Variants in BABAM2 observed in about 807,000 individuals in gnomAD.
BABAM2 encodes the protein BRISC and BRCA1-A complex member 2.
Under a neutral mutation model 54.7 loss-of-function variants are expected in BABAM2, and 31 were observed. The observed-to-expected ratio is 0.57, with a 90% CI of 0.43 to 0.77. BABAM2 has a LOEUF of 0.77. Ranked by LOEUF, BABAM2 falls within the 30% of genes least tolerant of loss-of-function variation. The pLI is 0.00. For synonymous variants in BABAM2, 167 were observed against 162.9 expected (o/e 1.03, Z -0.19); for missense variants, 364 against 455.8 (o/e 0.80, Z 1.83).
At chr2:28,041,765 C>G (rs1324676702) in intron 5 of BABAM2, among the ~76,000 whole-genome samples, 1 of 152,162 alleles carries the variant, frequency 6.6e-6, no homozygotes, top group African/African-American at 2.4e-5. Context: ...TCAAATTACT[C>G]TGTAAAGGAG....
chr2:28,049,139 G>A (rs1333353171), intron 6 of BABAM2, among the ~76,000 whole-genome samples: 2 of 152,178 alleles, frequency 1.3e-5, no homozygotes, highest in Non-Finnish European at 2.9e-5. Context: ...TAAATATGAT[G>A]TGTGTTTGAA....
At position 27,920,247 on chromosome 2, in the gene BABAM2, G is replaced by A. The variant is rs1024015742; in HGVS notation, c.129-9585G>A. On this transcript the variant is annotated intron_variant, in intron 2 of 11. Coordinates refer to ENST00000379624, the MANE Select transcript of BABAM2 (RefSeq NM_199191.3). ...TCTAAGACTTGACCTTGTGGATTTG[G>A]TCTGGCCAGTCAGATGGGGTATAAT... Among the ~76,000 whole-genome samples, 4 of 152,074 alleles carry A rather than the reference G, an allele frequency of 2.6e-5. No individual in the cohort carries two copies. The East Asian group carries it at 7.7e-4, about 29-fold the overall frequency.
chr2:28,265,966 A>G (rs1352947856), intron 10 of BABAM2, among the ~76,000 whole-genome samples: 2 of 151,902 alleles, frequency 1.3e-5, no homozygotes, highest in East Asian at 3.9e-4. Flanking sequence ...TAAAATAAAT[A>G]TAAGTACATA....
chr2:28,203,730 C>CT (rs1301529777), intron 7 of BABAM2, among the ~76,000 whole-genome samples: 1 of 152,144 alleles, frequency 6.6e-6, no homozygotes. Context: ...CTTTTAAGAG[C>CT]TTTCCTTTTA....
chr2:27,937,274 A>G (rs1668554565), intron 3 of BABAM2, among the ~76,000 whole-genome samples: 1 of 152,196 alleles, frequency 6.6e-6, no homozygotes, highest in Non-Finnish European at 1.5e-5. Context: ...GTAAATGTTC[A>G]GTTCAGATGC....
At chr2:28,041,944 A>G (rs576134161) in intron 5 of BABAM2, among the ~76,000 whole-genome samples, 1 of 152,184 alleles carries the variant, frequency 6.6e-6, no homozygotes, top group African/African-American at 2.4e-5. Flanking sequence ...GGTGGTTCAG[A>G]TCAGGTGGTT....
intron 7 of BABAM2, among the ~76,000 whole-genome samples, chr2:28,236,945 T>G (rs1681970623): frequency 6.6e-6 from 1 of 152,206 alleles, no homozygotes; most frequent in Non-Finnish European, 1.5e-5. Context: ...TGGTAAGACA[T>G]TTACCCATGC....
chr2:28,131,378 G>GT (rs1221334787), intron 7 of BABAM2, among the ~76,000 whole-genome samples: 7 of 15,878 alleles, frequency 4.4e-4, no homozygotes, highest in African/African-American at 2.4e-4. Context: ...ACCGCGCCCG[G>GT]CCTATTATTT....
chr2:28,205,419 C>T (rs1302817775), intron 7 of BABAM2, among the ~76,000 whole-genome samples: 1 of 143,448 alleles, frequency 7.0e-6, no homozygotes, highest in East Asian at 1.9e-4. Context: ...AGAAGGATCA[C>T]TTGAACCCGA....
At chr2:28,267,006 A>C (rs1295175673) in intron 10 of BABAM2, among the ~76,000 whole-genome samples, 2 of 152,214 alleles carry the variant, frequency 1.3e-5, no homozygotes, top group Admixed American at 6.5e-5. Flanking sequence ...AAATACAAAA[A>C]TTAGCTGGGT....
At position 28,111,890 on chromosome 2, in the gene BABAM2, C is replaced by G. The variant is rs182035644; in HGVS notation, c.571-17381C>G. Reference sequence around the variant, plus strand: ...TTCATGCTACACCCTCATTTGGGTGCTGATACTGGTCCTCCTGTCTCTACA... The same window carrying G: ...TTCATGCTACACCCTCATTTGGGTGGTGATACTGGTCCTCCTGTCTCTACA... On this transcript the variant is annotated intron_variant, in intron 6 of 11. Transcript: ENST00000379624. Among the ~76,000 whole-genome samples the G allele has an allele frequency of 1.4e-3, 211 of 151,636 alleles. 3 individuals are homozygous for G. Among genetic ancestry groups the G allele is most frequent in the Non-Finnish European group, 4.6e-4 (31 of 67,844 alleles).
chr2:28,009,460 G>A (rs1674233765), intron 4 of BABAM2, among the ~76,000 whole-genome samples: 1 of 152,076 alleles, frequency 6.6e-6, no homozygotes, highest in South Asian at 2.1e-4. Context: ...AAGAAACCTA[G>A]TCTGTTTGAC....
At chr2:28,250,853 C>A (rs189526213) in intron 10 of BABAM2, among the ~76,000 whole-genome samples, 12 of 152,310 alleles carry the variant, frequency 7.9e-5, no homozygotes, top group Admixed American at 7.8e-4. Flanking sequence ...CCCGCCATGG[C>A]TTCCCAAAGT....
intron 7 of BABAM2, among the ~76,000 whole-genome samples, chr2:28,150,684 T>C (rs1437989634): frequency 6.6e-6 from 1 of 152,162 alleles, no homozygotes; most frequent in East Asian, 1.9e-4. Flanking sequence ...ACCGTGAGAC[T>C]AGGGAAGAGC....
intron 7 of BABAM2, among the ~76,000 whole-genome samples, chr2:28,210,242 A>T (rs1049296448): frequency 6.6e-6 from 1 of 152,176 alleles, no homozygotes; most frequent in Non-Finnish European, 1.5e-5. Context: ...TTCAGTACCT[A>T]TTATGTGCCT....
intron 8 of BABAM2, 87 bp from the exon 9 acceptor site, chr2:28,241,236 T>C (rs1447737370): frequency 8.4e-6 from 11 of 1,313,898 alleles, no homozygotes; most frequent in Non-Finnish European, 9.8e-6. Context: ...TACTATTCTT[T>C]CTGCTTCTCT....
chr2:28,023,629 T>G (rs1675433665), intron 4 of BABAM2, among the ~76,000 whole-genome samples: 1 of 152,242 alleles, frequency 6.6e-6, no homozygotes, highest in Non-Finnish European at 1.5e-5. Flanking sequence ...TACCTTTTCC[T>G]CTGTTCATCA....
chr2:28,067,618 T>G (rs1368629400), intron 6 of BABAM2, among the ~76,000 whole-genome samples: 4 of 152,210 alleles, frequency 2.6e-5, no homozygotes, highest in African/African-American at 9.6e-5. Flanking sequence ...AATGCCAGAT[T>G]AAAGGATTTG....
intron 2 of BABAM2, among the ~76,000 whole-genome samples, chr2:27,926,123 G>A (rs1667687880): frequency 6.7e-6 from 1 of 150,278 alleles, no homozygotes; most frequent in African/African-American, 2.5e-5. Flanking sequence ...AGTAGGCAAA[G>A]TGGTCTTTTA....
Sources: allele counts gnomAD v4.1 joint callset (sites outside exome capture counted in the v4.1 genomes callset), GRCh38; gene constraint gnomAD v4.1.1; transcripts MANE v1.5; gene names NCBI Gene and HGNC (gene_info 2026-07-23, HGNC 2026-07-21).